NALCN: variants seen among roughly 807,000 people sequenced by gnomAD.
NALCN encodes sodium leak channel, non-selective.
NALCN carries 111 observed loss-of-function variants against 225.3 expected under a neutral mutation model. That is an observed-to-expected ratio of 0.49 (90% CI 0.42 to 0.58). The LOEUF (loss-of-function observed/expected upper bound fraction) is 0.58. NALCN is among the 20% of genes least tolerant of loss of function. NALCN has a pLI of 0.00. For synonymous variants in NALCN, 764 were observed against 769.0 expected, an observed-to-expected ratio of 0.99 and a Z score of 0.11; for missense variants, 1,378 against 2,202.4, an observed-to-expected ratio of 0.63 and a Z score of 7.49.
intron 18 of NALCN, among the ~76,000 whole-genome samples, chr13:101,114,946 A>G (rs1456936060): frequency 6.6e-6 from 1 of 152,162 alleles, no homozygotes; most frequent in African/African-American, 2.4e-5. Context: ...CACATATGCC[A>G]TGCTCCAAAG....
intron 18 of NALCN, chr13:101,116,478 C>T (rs921577402): frequency 3.9e-6 from 2 of 514,610 alleles, no homozygotes; most frequent in East Asian, 1.1e-4. Flanking sequence ...AGCCTTTAAA[C>T]ACCACTAGTT....
chr13:101,085,163 T>C (rs987338879), intron 30 of NALCN, among the ~76,000 whole-genome samples: 8 of 152,216 alleles, frequency 5.3e-5, no homozygotes, highest in African/African-American at 1.9e-4. Flanking sequence ...GTAGAGATTC[T>C]TTATACATGC....
intron 18 of NALCN, among the ~76,000 whole-genome samples, chr13:101,123,634 A>G (rs1483180048): frequency 6.6e-6 from 1 of 152,210 alleles, no homozygotes; most frequent in Non-Finnish European, 1.5e-5. Flanking sequence ...TCCAACACAT[A>G]CTTAACTCTA....
chr13:101,283,844 T>C, intron 10 of NALCN, 89 bp downstream of exon 10: 2 of 1,118,270 alleles, frequency 1.8e-6, no homozygotes, highest in Non-Finnish European at 2.5e-6. Flanking sequence ...TGGACAAATC[T>C]AGAGCTTAAA....
At chr13:101,363,522 G>A (rs1175870957) in intron 6 of NALCN, among the ~76,000 whole-genome samples, 6 of 152,068 alleles carry the variant, frequency 3.9e-5, no homozygotes, top group Non-Finnish European at 7.4e-5. Context: ...GGGAAAAATG[G>A]ATATCCATGT....
chr13:101,112,955 C>T (rs995274577), intron 18 of NALCN, among the ~76,000 whole-genome samples: 1 of 151,882 alleles, frequency 6.6e-6, no homozygotes, highest in Non-Finnish European at 1.5e-5. Context: ...TATAGTAATA[C>T]ATTATATAAG....
At chr13:101,084,714 C>T (rs764322104) in intron 30 of NALCN, among the ~76,000 whole-genome samples, 30 of 152,078 alleles carry the variant, frequency 2.0e-4, no homozygotes, top group Non-Finnish European at 3.2e-4. Flanking sequence ...TACGAATATC[C>T]GAAGTTATTC....
rs571411744 is a variant in NALCN at position 101,337,390 on chromosome 13, C to A, written c.799+7876G>T. On this transcript the variant is annotated intron_variant, in intron 7 of 43. Transcript: ENST00000251127. ...GTGGCTCAATCTCGGCTTACTGTAA[C>A]CTCTGCCTCCCAGATTCAAGCGATT... Among the ~76,000 whole-genome samples, 300 of 151,958 alleles carry A rather than the reference C, an allele frequency of 2.0e-3. 1 individual carries two copies. Among genetic ancestry groups the A allele is most frequent in the African/African-American group, 7.0e-3 (292 of 41,434 alleles).
intron 40 of NALCN, 26 bp downstream of exon 40, chr13:101,065,378 C>A (rs772871295): frequency 6.2e-7 from 1 of 1,612,872 alleles, no homozygotes; most frequent in Non-Finnish European, 8.5e-7. Flanking sequence ...GGCCCCCATT[C>A]AGCCCTGCGA....
intron 1 of NALCN, among the ~76,000 whole-genome samples, chr13:101,414,348 T>C (rs2047873299): frequency 6.6e-6 from 1 of 152,224 alleles, no homozygotes; most frequent in South Asian, 2.1e-4. Flanking sequence ...ACCCAGCTTC[T>C]GGCCCAGTGC....
intron 17 of NALCN, among the ~76,000 whole-genome samples, chr13:101,128,020 T>C (rs2036324675): frequency 6.6e-6 from 1 of 152,160 alleles, no homozygotes. Flanking sequence ...ATCCATTTCA[T>C]GATGAGTAAT....
At chr13:101,124,269 A>G (rs1295519686) in intron 18 of NALCN, among the ~76,000 whole-genome samples, 3 of 152,150 alleles carry the variant, frequency 2.0e-5, no homozygotes, top group African/African-American at 7.2e-5. Context: ...CCCTTTTACC[A>G]TTTATCCTTT....
intron 1 of NALCN, among the ~76,000 whole-genome samples, chr13:101,399,835 T>C (rs549700092): frequency 2.6e-5 from 4 of 152,316 alleles, no homozygotes; most frequent in Admixed American, 1.3e-4. Context: ...TTCTGAAACA[T>C]CTACATCCTG....
chr13:101,312,209 C>T (rs1215284615), intron 7 of NALCN, among the ~76,000 whole-genome samples: 2 of 151,818 alleles, frequency 1.3e-5, no homozygotes, highest in Non-Finnish European at 2.9e-5. Context: ...TGGTGATATC[C>T]CCTTTATCAT....
In NALCN at chr13:101,349,412, T is replaced by C. The variant is rs555723130; in HGVS notation, c.645-3992A>G. 2.6e-5 allele frequency among the ~76,000 whole-genome samples: 4 copies of C among 152,308 alleles called. No homozygotes were observed. In the South Asian group the frequency reaches 8.3e-4, roughly 32 times the overall value. On this transcript the variant is annotated intron_variant, in intron 6 of 43. Coordinates refer to ENST00000251127, the MANE Select transcript of NALCN (RefSeq NM_052867.4). ...ACATATGGAACCTGTGAGTAGATAA[T>C]GTTGCATAGCAAAAGGGAACTAAAG...
intron 10 of NALCN, among the ~76,000 whole-genome samples, chr13:101,269,792 G>A (rs1273839576): frequency 2.0e-5 from 3 of 152,140 alleles, no homozygotes; most frequent in African/African-American, 7.2e-5. Context: ...AGTCACCAGG[G>A]CTGTCCCTTC....
At chr13:101,247,391 A>T (rs2041928649) in intron 11 of NALCN, among the ~76,000 whole-genome samples, 1 of 152,162 alleles carries the variant, frequency 6.6e-6, no homozygotes, top group African/African-American at 2.4e-5. Flanking sequence ...CTGGCTCTGG[A>T]TGGTAGGGTC....
intron 7 of NALCN, among the ~76,000 whole-genome samples, chr13:101,341,044 T>G (rs1430517238): frequency 6.6e-6 from 1 of 152,196 alleles, no homozygotes; most frequent in African/African-American, 2.4e-5. Flanking sequence ...TTTTAACTGC[T>G]AAAATGTGAA....
chr13:101,199,470 T>C (rs914810252), intron 13 of NALCN, among the ~76,000 whole-genome samples: 2 of 151,228 alleles, frequency 1.3e-5, no homozygotes, highest in African/African-American at 4.9e-5. Flanking sequence ...TATGCAGCCA[T>C]AAAAAATGAT....
Sources: allele counts gnomAD v4.1 joint callset (sites outside exome capture counted in the v4.1 genomes callset), GRCh38; gene constraint gnomAD v4.1.1; transcripts MANE v1.5; gene names NCBI Gene and HGNC (gene_info 2026-07-23, HGNC 2026-07-21).